The following FRMD4A variants were observed in gnomAD, a reference collection of about 807,000 sequenced individuals.
The protein encoded by FRMD4A is FERM domain-containing protein 4A.
FRMD4A carries 29 observed loss-of-function variants against 129.1 expected under a neutral mutation model. The observed-to-expected ratio is 0.22, with a 90% CI of 0.17 to 0.31. The LOEUF is 0.31. Ranked by LOEUF, FRMD4A falls within the 10% of genes least tolerant of loss-of-function variation. The pLI, the probability that FRMD4A is intolerant of heterozygous loss-of-function variation, is 1.00. For missense variants in FRMD4A, 1,272 were observed against 1,375.8 expected, an observed-to-expected ratio of 0.92 and a Z score of 1.19; for synonymous variants, 634 against 571.6, an observed-to-expected ratio of 1.11 and a Z score of -1.56.
chr10:14,185,645 A>G (rs550176761), intron 2 of FRMD4A, among the ~76,000 whole-genome samples: 4 of 152,338 alleles, frequency 2.6e-5, no homozygotes, highest in African/African-American at 7.2e-5. Context: ...AGAGAGCTGC[A>G]GGGGCGGTTG....
chr10:13,928,015 CCTTTTT>C (rs1395550308), intron 2 of FRMD4A, among the ~76,000 whole-genome samples: 21 of 101,888 alleles, frequency 2.1e-4, no homozygotes, highest in African/African-American at 6.7e-4. Context: ...ACTTAACATA[CCTTTTT>C]TTTTTTTTTT....
At chr10:13,694,682 A>G (rs554039566) in intron 14 of FRMD4A, among the ~76,000 whole-genome samples, 1 of 152,276 alleles carries the variant, frequency 6.6e-6, no homozygotes, top group South Asian at 2.1e-4. Flanking sequence ...GATCCCATCT[A>G]TACAAAAAAA....
chr10:14,021,290 C>A (rs1832735262), intron 2 of FRMD4A, among the ~76,000 whole-genome samples: 1 of 151,878 alleles, frequency 6.6e-6, no homozygotes, highest in Non-Finnish European at 1.5e-5. Context: ...CTGTAATAAT[C>A]CTAGCACTTT....
intron 2 of FRMD4A, among the ~76,000 whole-genome samples, chr10:13,908,680 C>A (rs1428825826): frequency 6.6e-6 from 1 of 152,224 alleles, no homozygotes; most frequent in Non-Finnish European, 1.5e-5. Flanking sequence ...GCCTGCCAAG[C>A]TCCTCTTCCG....
intron 3 of FRMD4A, among the ~76,000 whole-genome samples, chr10:13,812,958 C>G (rs2093474391): frequency 6.6e-6 from 1 of 152,242 alleles, no homozygotes; most frequent in Non-Finnish European, 1.5e-5. Context: ...GTAAACGTGG[C>G]ACATCTCAGA....
intron 2 of FRMD4A, among the ~76,000 whole-genome samples, chr10:13,931,851 A>G (rs886398470): frequency 6.6e-6 from 1 of 151,286 alleles, no homozygotes; most frequent in African/African-American, 2.4e-5. Context: ...TGGGAGGCTG[A>G]GGCAGGAGAA....
intron 2 of FRMD4A, among the ~76,000 whole-genome samples, chr10:14,067,211 G>C (rs189586248): frequency 1.3e-5 from 2 of 152,008 alleles, no homozygotes; most frequent in African/African-American, 4.8e-5. Flanking sequence ...AGCTACTCGG[G>C]AGGCTGAGGC....
At chr10:13,855,197 C>T (rs1401081353) in intron 3 of FRMD4A, among the ~76,000 whole-genome samples, 2 of 152,104 alleles carry the variant, frequency 1.3e-5, no homozygotes, top group Non-Finnish European at 2.9e-5. Flanking sequence ...ATGTTATGCT[C>T]GGAGTGGCCG....
intron 2 of FRMD4A, among the ~76,000 whole-genome samples, chr10:14,226,580 T>C (rs1326668664): frequency 1.3e-5 from 2 of 152,166 alleles, no homozygotes; most frequent in African/African-American, 4.8e-5. Flanking sequence ...GGCTGGTAGA[T>C]GGCCATCTTC....
Position 13,714,027 on chromosome 10 carries a change from C to CATATATATAAA in FRMD4A, c.760-6915_760-6914insTTTATATATAT, listed in dbSNP as rs1554858885. On this transcript the variant is annotated intron_variant, in intron 12 of 24. Coordinates refer to ENST00000357447, the MANE Select transcript of FRMD4A (RefSeq NM_018027.5). ...ATATAATATACATATATAAAATATA[C>CATATATATAAA]ATATATATATATATATATATATATA... Among the ~76,000 whole-genome samples the CATATATATAAA allele has an allele frequency of 2.2e-4, 7 of 31,168 alleles. 2 individuals are homozygous for CATATATATAAA. The highest frequency in any genetic ancestry group is 3.6e-4 in the Non-Finnish European group (7 of 19,556). The allele number at this position is 31,168 out of a possible 152,430, so 20.4% of individuals were successfully genotyped here.
At chr10:14,090,358 C>T (rs1300548583) in intron 2 of FRMD4A, among the ~76,000 whole-genome samples, 1 of 152,096 alleles carries the variant, frequency 6.6e-6, no homozygotes, top group East Asian at 1.9e-4. Context: ...TGATTAGGAG[C>T]GTAATTGGTA....
At chr10:13,966,823 C>G (rs1179056425) in intron 2 of FRMD4A, among the ~76,000 whole-genome samples, 2 of 152,228 alleles carry the variant, frequency 1.3e-5, no homozygotes, top group African/African-American at 4.8e-5. Flanking sequence ...CGGAACCAAC[C>G]CAAATGCCCA....
chr10:13,825,063 A>G (rs2093681960), intron 3 of FRMD4A, among the ~76,000 whole-genome samples: 1 of 152,222 alleles, frequency 6.6e-6, no homozygotes, highest in South Asian at 2.1e-4. Flanking sequence ...GGGTAACACC[A>G]AACCCTATAT....
At chr10:14,003,277 G>A (rs543655384) in intron 2 of FRMD4A, among the ~76,000 whole-genome samples, 2 of 152,292 alleles carry the variant, frequency 1.3e-5, no homozygotes, top group South Asian at 4.1e-4. Context: ...GGAAAGAGAG[G>A]AGGCAGGAAG....
At chr10:13,939,998 A>G (rs766615496) in intron 2 of FRMD4A, among the ~76,000 whole-genome samples, 1 of 152,178 alleles carries the variant, frequency 6.6e-6, no homozygotes, top group Non-Finnish European at 1.5e-5. Flanking sequence ...ATTGAAATAA[A>G]TGTGAGAAAA....
chr10:13,925,468 T>A (rs957182704), intron 2 of FRMD4A, among the ~76,000 whole-genome samples: 4 of 151,628 alleles, frequency 2.6e-5, no homozygotes, highest in African/African-American at 9.7e-5. Context: ...AAAGGCAGCA[T>A]GCAAATGCTC....
chr10:13,876,866 A>T (rs2131104801), intron 2 of FRMD4A, among the ~76,000 whole-genome samples: 1 of 152,090 alleles, frequency 6.6e-6, no homozygotes, highest in South Asian at 2.1e-4. Flanking sequence ...AAGGGCAATT[A>T]TGTAATATAG....
At chr10:14,127,529 C>T (rs937208884) in intron 2 of FRMD4A, among the ~76,000 whole-genome samples, 12 of 152,256 alleles carry the variant, frequency 7.9e-5, no homozygotes, top group South Asian at 4.1e-4. Context: ...TACAGCTAGA[C>T]GGCCCAGATT....
chr10:13,777,791 A>ATTTTTTTTTTTT lies in FRMD4A; in HGVS notation c.384+5119_384+5130dup, dbSNP rs34059772. ...GTCTGCCCAAGTAGGCTTTGGGTCA[A>ATTTTTTTTTTTT]TTTTTTTTTTTTTTTTTTTTTTTTT... On this transcript the variant is annotated intron_variant, in intron 6 of 24. Transcript: ENST00000357447. 6.6e-4 allele frequency among the ~76,000 whole-genome samples: 57 copies of ATTTTTTTTTTTT among 85,978 alleles called. 3 individuals carry two copies. In the South Asian group the frequency reaches 9.9e-3, roughly 15 times the overall value. 56.4% of individuals were successfully genotyped at this position (85,978 alleles called of 152,430 possible).
Sources: allele counts gnomAD v4.1 joint callset (sites outside exome capture counted in the v4.1 genomes callset), GRCh38; gene constraint gnomAD v4.1.1; transcripts MANE v1.5; gene names NCBI Gene and HGNC (gene_info 2026-07-23, HGNC 2026-07-21).